TASP1: variants seen among roughly 807,000 people sequenced by gnomAD.
The protein encoded by TASP1 is taspase 1, also known as threonine aspartase 1.
A neutral mutation model predicts 56.6 loss-of-function variants in TASP1; 16 were observed. The observed-to-expected ratio is 0.28, with a 90% confidence interval of 0.19 to 0.43. The LOEUF is 0.43. TASP1 is among the 20% of genes least tolerant of loss of function. The pLI is 1.00. For synonymous variants in TASP1, 179 were observed against 184.2 expected (o/e 0.97, Z 0.23); for missense variants, 393 against 511.6 (o/e 0.77, Z 2.24).
chr20:13,458,300 C>T (rs1209888646), intron 11 of TASP1, among the ~76,000 whole-genome samples: 2 of 152,050 alleles, frequency 1.3e-5, no homozygotes, highest in African/African-American at 4.8e-5. Context: ...AAAAAGAGTG[C>T]CAGTAATTCA....
rs1180186911 is a variant in TASP1, at chr20:13,623,433, A to G, written c.282+13T>C. 4 of 1,595,614 alleles carry G rather than the reference A, an allele frequency of 2.5e-6. No homozygotes were observed. The highest frequency in any genetic ancestry group is 3.4e-6 in the Non-Finnish European group (4 of 1,166,358). ...CTCACAAATATTTTAAATAAAACAG[A>G]GAAAAGAAATACCTCAAGTTCCACC... On this transcript the variant is annotated intron_variant, in intron 4 of 13. Transcript: ENST00000337743.
the TASP1 span, among the ~76,000 whole-genome samples, chr20:13,174,422 G>A: frequency 1.3e-5 from 2 of 152,156 alleles, no homozygotes; most frequent in South Asian, 2.1e-4. Context: ...TCCAGGCAGG[G>A]TGTGGTGGCG....
chr20:13,119,689 A>G, the TASP1 span, among the ~76,000 whole-genome samples: 1 of 152,138 alleles, frequency 6.6e-6, no homozygotes, highest in Non-Finnish European at 1.5e-5. Context: ...GCAGTGTCTA[A>G]ATTTACCACT....
the TASP1 span, among the ~76,000 whole-genome samples, chr20:13,223,476 TA>T: frequency 6.6e-6 from 1 of 152,156 alleles, no homozygotes; most frequent in African/African-American, 2.4e-5. Context: ...ACAGAGAGGT[TA>T]AAAAACTTGT....
At chr20:13,156,972 AT>A in the TASP1 span, among the ~76,000 whole-genome samples, 4 of 152,194 alleles carry the variant, frequency 2.6e-5, no homozygotes, top group Non-Finnish European at 4.4e-5. Context: ...GCTGGATAAT[AT>A]GTCAAACAAT....
chr20:13,473,654 A>G (rs2044607882), intron 11 of TASP1, among the ~76,000 whole-genome samples: 1 of 152,142 alleles, frequency 6.6e-6, no homozygotes, highest in Admixed American at 6.6e-5. Context: ...TGATCATAAA[A>G]CAAACCCCAA....
chr20:13,325,505 TA>T, the TASP1 span, among the ~76,000 whole-genome samples: 17,344 of 152,158 alleles, frequency 0.11, 1,156 homozygotes, highest in Admixed American at 0.18. Context: ...GGAAAGGTGA[TA>T]GGGGGATTAT....
chr20:13,268,140 T>TCTTCTCTTCTCTTCTCTTCTCTTCC, the TASP1 span, among the ~76,000 whole-genome samples: 1 of 150,574 alleles, frequency 6.6e-6, no homozygotes, highest in South Asian at 2.1e-4. Flanking sequence ...TCTTCTCTTC[T>TCTTCTCTTCTCTTCTCTTCTCTTCC]CTTCTCTTCT....
chr20:13,439,800 G>A (rs1296901259), intron 11 of TASP1, among the ~76,000 whole-genome samples: 1 of 151,904 alleles, frequency 6.6e-6, no homozygotes, highest in African/African-American at 2.4e-5. Context: ...ATAAAGCTAG[G>A]CCAGAATTAT....
chr20:13,551,119 C>T (rs2045969391), intron 8 of TASP1, among the ~76,000 whole-genome samples: 1 of 152,038 alleles, frequency 6.6e-6, no homozygotes, highest in Non-Finnish European at 1.5e-5. Flanking sequence ...TATGTGGTGG[C>T]TAAAGAATAC....
chr20:13,382,903 G>A, the TASP1 span, among the ~76,000 whole-genome samples: 1 of 152,172 alleles, frequency 6.6e-6, no homozygotes, highest in African/African-American at 2.4e-5. Context: ...TGCTGGAGGG[G>A]GTGTGGTTAG....
chr20:13,126,166 G>A, the TASP1 span, among the ~76,000 whole-genome samples: 1 of 152,238 alleles, frequency 6.6e-6, no homozygotes, highest in Non-Finnish European at 1.5e-5. Flanking sequence ...AGTTTGCATG[G>A]ACTGTGACTT....
intron 13 of TASP1, among the ~76,000 whole-genome samples, chr20:13,401,057 G>T (rs574576002): frequency 1.3e-5 from 2 of 152,102 alleles, no homozygotes; most frequent in African/African-American, 2.4e-5. Flanking sequence ...GAAGTGAAGC[G>T]CCCAGGCTTC....
the TASP1 span, among the ~76,000 whole-genome samples, chr20:13,301,818 T>C: frequency 6.6e-6 from 1 of 152,110 alleles, no homozygotes; most frequent in East Asian, 1.9e-4. Flanking sequence ...CTCAACTGGG[T>C]GATCAGGAGA....
At chr20:13,432,080 C>T (rs2042829513) in intron 12 of TASP1, among the ~76,000 whole-genome samples, 1 of 152,168 alleles carries the variant, frequency 6.6e-6, no homozygotes, top group African/African-American at 2.4e-5. Flanking sequence ...GAAAACAGTG[C>T]ATGAACTTTC....
At chr20:13,543,704 T>C (rs1338302064) in intron 8 of TASP1, among the ~76,000 whole-genome samples, 1 of 152,226 alleles carries the variant, frequency 6.6e-6, no homozygotes, top group Non-Finnish European at 1.5e-5. Flanking sequence ...GACCATAGGC[T>C]GGCTTGTTAC....
chr20:13,614,740 C>T, intron 4 of TASP1: 1 of 459,950 alleles, frequency 2.2e-6, no homozygotes, highest in Non-Finnish European at 4.5e-6. Context: ...TAACACAAAT[C>T]TCTAAAATAG....
chr20:13,155,467 T>C, the TASP1 span, among the ~76,000 whole-genome samples: 1 of 152,160 alleles, frequency 6.6e-6, no homozygotes, highest in Non-Finnish European at 1.5e-5. Context: ...TATAAGTTCC[T>C]AAAAGACAGA....
the TASP1 span, among the ~76,000 whole-genome samples, chr20:13,117,020 A>T: frequency 6.6e-6 from 1 of 152,228 alleles, no homozygotes; most frequent in Non-Finnish European, 1.5e-5. Context: ...TAACACTATG[A>T]TGTCTTAAAT....
Sources: allele counts gnomAD v4.1 joint callset (sites outside exome capture counted in the v4.1 genomes callset), GRCh38; gene constraint gnomAD v4.1.1; transcripts MANE v1.5; gene names NCBI Gene and HGNC (gene_info 2026-07-23, HGNC 2026-07-21).